PITPNC1: variants seen among roughly 807,000 people sequenced by gnomAD.
The protein encoded by PITPNC1 is cytoplasmic phosphatidylinositol transfer protein 1.
A neutral mutation model predicts 44.7 loss-of-function variants in PITPNC1; 18 were observed. The ratio of observed to expected loss-of-function variants is 0.40; its 90% CI spans 0.28 to 0.60. The LOEUF is 0.60. Among genes scored for constraint, PITPNC1 ranks in the 20% least tolerant of loss-of-function variants. PITPNC1 has a pLI of 0.39. For synonymous variants in PITPNC1, 141 were observed against 149.6 expected (o/e 0.94, Z 0.42); for missense variants, 290 against 418.4 (o/e 0.69, Z 2.68).
intron 1 of PITPNC1, among the ~76,000 whole-genome samples, chr17:67,423,381 T>TA (rs1160143830): frequency 6.6e-6 from 1 of 152,158 alleles, no homozygotes; most frequent in Non-Finnish European, 1.5e-5. Flanking sequence ...GAGAGGGGGA[T>TA]GATATTTGCC....
In PITPNC1 at chr17:67,577,517, C is replaced by T. The variant is rs1362221793; in HGVS notation, c.295-669C>T. On this transcript the variant is annotated intron_variant, in intron 4 of 8. Coordinates refer to ENST00000581322, the MANE Select transcript of PITPNC1 (RefSeq NM_012417.4). ...TGGAGGTTGCAGTGAGCCGAGACCA[C>T]ACCACTGCACTCCAGCCTGGGCGAC... Among the ~76,000 whole-genome samples, 7 of 151,912 alleles carry T rather than the reference C, an allele frequency of 4.6e-5. No homozygotes were observed. The South Asian group carries it at 1.0e-3, about 23-fold the overall frequency.
intron 5 of PITPNC1, among the ~76,000 whole-genome samples, chr17:67,581,555 C>G (rs1207635797): frequency 2.0e-5 from 3 of 152,156 alleles, no homozygotes. Context: ...CAGTTGCCAC[C>G]CCCTGCCCCC....
intron 4 of PITPNC1, among the ~76,000 whole-genome samples, chr17:67,559,744 G>A (rs2040882740): frequency 6.6e-6 from 1 of 152,122 alleles, no homozygotes; most frequent in Admixed American, 6.5e-5. Flanking sequence ...AACATTAGCT[G>A]TGCATGGTGA....
chr17:67,599,994 G>A (rs1260964834), intron 5 of PITPNC1, among the ~76,000 whole-genome samples: 2 of 152,158 alleles, frequency 1.3e-5, no homozygotes, highest in East Asian at 1.9e-4. Context: ...GGTCAGGCAG[G>A]TATTGATGTA....
intron 1 of PITPNC1, among the ~76,000 whole-genome samples, chr17:67,458,814 AGCATTGCTCAGAACAATTT>A (rs1375111168): frequency 1.3e-5 from 2 of 152,184 alleles, no homozygotes; most frequent in Non-Finnish European, 2.9e-5. Flanking sequence ...CAGAACAATT[AGCATTGCTCAGAACAATTT>A]GCATTGCTTC....
In PITPNC1 at chr17:67,582,255, G is replaced by A. The variant is rs963368592; in HGVS notation, c.366+3998G>A. Among the ~76,000 whole-genome samples the A allele has an allele frequency of 5.9e-5, 9 of 152,228 alleles. No individual in the cohort carries two copies. In the South Asian group the frequency reaches 6.2e-4, roughly 11 times the overall value. On this transcript the variant is annotated intron_variant, in intron 5 of 8. Coordinates refer to ENST00000581322, the MANE Select transcript of PITPNC1 (RefSeq NM_012417.4). ...GGGTTGAGTGTGGAGTTTTTGGTGG[G>A]AGGCAGAGTTGCTAAGGAAAGCAGT...
In PITPNC1 at chr17:67,624,212, TTC is replaced by T. The variant is rs1491029921; in HGVS notation, c.367-7929_367-7928del. On this transcript the variant is annotated intron_variant, in intron 5 of 8. Transcript: ENST00000581322. ...ATTATTTTCTTTTTCTTTCTTTCTT[TTC>T]TTTTTTTTTTTTTTTTCCTCAGGGT... 3.2e-4 allele frequency among the ~76,000 whole-genome samples: 22 copies of T among 67,698 alleles called. No individual in the cohort carries two copies. The South Asian group carries it at 5.2e-3, about 16-fold the overall frequency. The allele number at this position is 67,698 out of a possible 152,430, so 44.4% of individuals were successfully genotyped here.
chr17:67,578,104 C>T (rs1295294078), intron 4 of PITPNC1, 82 bp from the exon 5 acceptor site: 3 of 927,266 alleles, frequency 3.2e-6, no homozygotes, highest in Middle Eastern at 2.1e-4. Context: ...ACCAAATGGC[C>T]AGGAAAGTAT....
chr17:67,598,358 G>A (rs1484086604), intron 5 of PITPNC1, among the ~76,000 whole-genome samples: 3 of 152,364 alleles, frequency 2.0e-5, no homozygotes, highest in Admixed American at 6.5e-5. Context: ...TTTTTGTAAC[G>A]AATGGGTGTT....
intron 5 of PITPNC1, among the ~76,000 whole-genome samples, chr17:67,599,034 A>ATATTTTTTTTT (rs1461493250): frequency 2.8e-5 from 1 of 35,688 alleles, no homozygotes; most frequent in African/African-American, 1.1e-4. Flanking sequence ...ATATATATAT[A>ATATTTTTTTTT]TTTTTTTTTT....
intron 3 of PITPNC1, among the ~76,000 whole-genome samples, chr17:67,552,737 G>C (rs1166237453): frequency 6.6e-6 from 1 of 151,320 alleles, no homozygotes; most frequent in Non-Finnish European, 1.5e-5. Flanking sequence ...AAAACCAGGA[G>C]GTGGAGGTTG....
chr17:67,471,757 A>G (rs2039538732), intron 1 of PITPNC1, among the ~76,000 whole-genome samples: 1 of 152,070 alleles, frequency 6.6e-6, no homozygotes, highest in South Asian at 2.1e-4. Context: ...ATTATGATAC[A>G]TTTATCAAAA....
chr17:67,479,185 C>T (rs1324972527), intron 1 of PITPNC1, among the ~76,000 whole-genome samples: 2 of 152,224 alleles, frequency 1.3e-5, no homozygotes, highest in East Asian at 3.8e-4. Context: ...GCCACTGCCT[C>T]CCTGCCTTTT....
chr17:67,616,228 C>T (rs558232395), intron 5 of PITPNC1, among the ~76,000 whole-genome samples: 66 of 152,224 alleles, frequency 4.3e-4, no homozygotes, highest in African/African-American at 1.5e-3. Context: ...GCAGCCTCAG[C>T]CTCCCGGGTT....
intron 1 of PITPNC1, among the ~76,000 whole-genome samples, chr17:67,380,066 GTCTTT>G (rs1270554422): frequency 1.8e-4 from 27 of 148,884 alleles, no homozygotes; most frequent in South Asian, 6.4e-4. Context: ...CCTTTTTTTT[GTCTTT>G]TCTTTTCTTT....
At chr17:67,652,329 C>T (rs1054296900) in intron 6 of PITPNC1, among the ~76,000 whole-genome samples, 8 of 152,152 alleles carry the variant, frequency 5.3e-5, no homozygotes, top group Admixed American at 1.3e-4. Flanking sequence ...AAAACGAGGA[C>T]GCAGTTTTAC....
At chr17:67,636,281 C>CAAAAAAA (rs4020398) in intron 6 of PITPNC1, among the ~76,000 whole-genome samples, 2 of 77,346 alleles carry the variant, frequency 2.6e-5, no homozygotes, top group Non-Finnish European at 5.5e-5. Flanking sequence ...GACTCCGTTT[C>CAAAAAAA]AAAAAAAAAA....
intron 6 of PITPNC1, among the ~76,000 whole-genome samples, chr17:67,646,897 G>A (rs1406827510): frequency 2.0e-5 from 3 of 152,194 alleles, no homozygotes; most frequent in Non-Finnish European, 4.4e-5. Context: ...CTGGCTGGAA[G>A]TTTCAGGAAG....
intron 1 of PITPNC1, among the ~76,000 whole-genome samples, chr17:67,412,688 TCCCGAGAAG>T (rs2038521092): frequency 6.6e-6 from 1 of 152,172 alleles, no homozygotes; most frequent in Non-Finnish European, 1.5e-5. Context: ...TGCCTCAGCC[TCCCGAGAAG>T]CTGGGATTAC....
Sources: gnomAD v4.1 joint callset for allele counts (sites outside exome capture counted in the v4.1 genomes callset) on GRCh38, gnomAD v4.1.1 for gene constraint, MANE v1.5 for transcripts, NCBI Gene and HGNC (gene_info 2026-07-23, HGNC 2026-07-21) for gene names.